CKLF: variants seen among roughly 807,000 people sequenced by gnomAD.
CKLF encodes chemokine-like factor.
In CKLF, 16 loss-of-function variants were observed where a neutral mutation model predicts 12.9. That is an observed-to-expected ratio of 1.24 (90% CI 0.84 to 1.88). The LOEUF is 1.88. Ranked by LOEUF, CKLF falls within the 40% of genes most tolerant of loss-of-function variation. The pLI, the probability that CKLF is intolerant of heterozygous loss-of-function variation, is 0.00. For synonymous variants in CKLF, 61 were observed against 69.0 expected, an observed-to-expected ratio of 0.88 and a Z score of 0.57; for missense variants, 172 against 188.5, an observed-to-expected ratio of 0.91 and a Z score of 0.51.
intron 1 of CKLF, among the ~76,000 whole-genome samples, chr16:66,555,319 G>T (rs931205886): frequency 6.6e-6 from 1 of 152,202 alleles, no homozygotes; most frequent in African/African-American, 2.4e-5. Flanking sequence ...CAGGGGCAAA[G>T]GTAAAACCAA....
chr16:66,553,001 A>T (rs1245061444), intron 1 of CKLF, among the ~76,000 whole-genome samples: 1 of 152,112 alleles, frequency 6.6e-6, no homozygotes, highest in East Asian at 1.9e-4. Flanking sequence ...CTCATTCATG[A>T]AAACCAGAGA....
chr16:66,565,998 AAG>A lies in CKLF; in HGVS notation c.448_449del (p.Glu150SerfsTer11). ...CAGAAAAAGCCTGTGCATGAAAAAA[AAG>A]AAGTTTTGTAATTTTATATTACTTT... is the stretch of plus-strand genomic sequence containing the variant. On this transcript the variant is annotated frameshift_variant, in exon 4 of 4. Transcript: ENST00000264001. LOFTEE classifies it high-confidence loss of function. The A allele has an allele frequency of 1.2e-6, 2 of 1,611,578 alleles. No individual in the cohort carries two copies. Among genetic ancestry groups the A allele is most frequent in the Non-Finnish European group, 8.5e-7 (1 of 1,177,974 alleles).
At chr16:66,554,022 C>G (rs1004956797) in intron 1 of CKLF, among the ~76,000 whole-genome samples, 37 of 152,194 alleles carry the variant, frequency 2.4e-4, no homozygotes, top group African/African-American at 8.9e-4. Flanking sequence ...ACCAGAAGGT[C>G]TGGGATCTTG....
chr16:66,565,850 C>G (rs1307040629), intron 3 of CKLF, 36 bp from the exon 4 acceptor site: 1 of 1,607,780 alleles, frequency 6.2e-7, no homozygotes, highest in African/African-American at 1.3e-5. Context: ...GAGTGGGGAC[C>G]ATGGTTAGGG....
In CKLF at chr16:66,565,941, G is replaced by A. The variant is rs536256590; in HGVS notation, c.389G>A (p.Arg130Gln). ...CTTGCCGACGGGGCCCTTATTTACC[G>A]GAAGCTTCTGTTCAATCCCAGCGGT... ...CCLADGALIY[R>Q]KLLFNPSGPY... is the part of the protein sequence containing the mutation. Residue 130 changes from arginine (R) to glutamine (Q), a missense_variant, in exon 4 of 4, where the codon CGG (arginine) becomes CAG (glutamine). Arg to Gln is a conservative substitution (Grantham distance 43). Coordinates refer to ENST00000264001, the MANE Select transcript of CKLF (RefSeq NM_016951.4). The A allele has an allele frequency of 1.7e-5, 28 of 1,613,774 alleles. No homozygotes were observed. Among genetic ancestry groups the A allele is most frequent in the Non-Finnish European group, 2.2e-5 (26 of 1,179,830 alleles).
chr16:66,561,261 T>C (rs921692899), intron 2 of CKLF, among the ~76,000 whole-genome samples: 3 of 150,252 alleles, frequency 2.0e-5, no homozygotes, highest in African/African-American at 7.4e-5. Flanking sequence ...CTCTGATTGT[T>C]CCCCCCCGAG....
intron 1 of CKLF, among the ~76,000 whole-genome samples, chr16:66,555,973 A>AG (rs1464867687): frequency 5.3e-5 from 8 of 152,120 alleles, no homozygotes; most frequent in Non-Finnish European, 1.2e-4. Flanking sequence ...TCCAGGAGGA[A>AG]GGGGCGGGAT....
At chr16:66,557,904 A>C (rs1486649802) in intron 1 of CKLF, among the ~76,000 whole-genome samples, 1 of 152,200 alleles carries the variant, frequency 6.6e-6, no homozygotes, top group African/African-American at 2.4e-5. Context: ...GACAAAGAGA[A>C]GTCAATATCA....
rs1171516597 is a variant in CKLF at position 66,552,748 on chromosome 16, C to T, written c.33C>T (p.Arg11=). The part of the protein sequence containing the change: MDNVQPKIKH[R]PFCFSVKGHV... ...ACGTGCAGCCGAAAATAAAACATCG[C>T]CCCTTCTGCTTCAGTGTGAAAGGCC... Residue 11 remains arginine (R), a synonymous_variant, in exon 1 of 4, where the codon CGC becomes CGT. Transcript: ENST00000264001. 1 of 1,614,160 alleles carries T rather than the reference C, an allele frequency of 6.2e-7. No homozygotes were observed.
intron 2 of CKLF, among the ~76,000 whole-genome samples, chr16:66,560,510 C>T (rs1403312691): frequency 6.6e-6 from 1 of 152,034 alleles, no homozygotes; most frequent in Non-Finnish European, 1.5e-5. Flanking sequence ...ATTTTAGTTA[C>T]TTAAAAGATA....
At chr16:66,564,761 C>T (rs552450848) in intron 3 of CKLF, among the ~76,000 whole-genome samples, 9 of 152,292 alleles carry the variant, frequency 5.9e-5, no homozygotes, top group Middle Eastern at 3.4e-3. Context: ...TGAGCCACCG[C>T]GCCCGGCCGA....
chr16:66,557,632 T>G (rs377120702), intron 1 of CKLF, among the ~76,000 whole-genome samples: 1 of 152,078 alleles, frequency 6.6e-6, no homozygotes, highest in Admixed American at 6.6e-5. Flanking sequence ...ATAACAACAG[T>G]AGAAAACAGA....
intron 3 of CKLF, 51 bp from the exon 4 acceptor site, chr16:66,565,835 G>A: frequency 1.3e-6 from 2 of 1,579,450 alleles, no homozygotes; most frequent in South Asian, 2.2e-5. Flanking sequence ...TTGTGTGAAT[G>A]ACAGGAGTGG....
chr16:66,563,392 T>G (rs1312688736), intron 3 of CKLF, among the ~76,000 whole-genome samples, 175 bp downstream of exon 3: 1 of 152,210 alleles, frequency 6.6e-6, no homozygotes, highest in Non-Finnish European at 1.5e-5. Context: ...CTGATTAACA[T>G]GAAGGAGTAT....
chr16:66,564,230 G>C (rs2011966302), intron 3 of CKLF, among the ~76,000 whole-genome samples: 1 of 152,166 alleles, frequency 6.6e-6, no homozygotes, highest in Admixed American at 6.5e-5. Flanking sequence ...ATATAGAGCT[G>C]TGCTATTCAG....
intron 2 of CKLF, among the ~76,000 whole-genome samples, chr16:66,560,798 TACACACAC>T (rs58084691): frequency 0.048 from 6,955 of 143,724 alleles, 521 homozygotes; most frequent in African/African-American, 0.16. Flanking sequence ...AAGATAAGTA[TACACACAC>T]ACACACACAC....
intron 1 of CKLF, among the ~76,000 whole-genome samples, chr16:66,554,536 C>T (rs1318215617): frequency 1.3e-5 from 2 of 152,198 alleles, no homozygotes; most frequent in African/African-American, 4.8e-5. Flanking sequence ...ACAAAGATCC[C>T]TGCCCTCGTG....
At chr16:66,553,906 T>A (rs1287154046) in intron 1 of CKLF, among the ~76,000 whole-genome samples, 1 of 152,186 alleles carries the variant, frequency 6.6e-6, no homozygotes, top group Non-Finnish European at 1.5e-5. Context: ...GAGAAGTAGC[T>A]TTCATATCAT....
chr16:66,561,488 TC>T (rs1463592811), intron 2 of CKLF, among the ~76,000 whole-genome samples: 1 of 152,160 alleles, frequency 6.6e-6, no homozygotes. Flanking sequence ...TCTTTTTTTT[TC>T]CCCCTGTGGT....
Sources: allele counts gnomAD v4.1 joint callset (sites outside exome capture counted in the v4.1 genomes callset), GRCh38; gene constraint gnomAD v4.1.1; transcripts MANE v1.5; gene names NCBI Gene and HGNC (gene_info 2026-07-23, HGNC 2026-07-21).